Variants in RIMS2 observed in about 807,000 individuals in gnomAD.
RIMS2 encodes regulating synaptic membrane exocytosis protein 2.
In RIMS2, 59 loss-of-function variants were observed where a neutral mutation model predicts 174.4. The ratio of observed to expected loss-of-function variants is 0.34; its 90% CI spans 0.27 to 0.42. RIMS2 has a LOEUF of 0.42. RIMS2 is among the 10% of genes least tolerant of loss of function. The probability of loss-of-function intolerance (pLI) is 1.00; values close to 1 mark genes in which losing one functional copy is unlikely to be tolerated. For synonymous variants in RIMS2, 606 were observed against 572.5 expected (o/e 1.06, Z -0.84); for missense variants, 1,620 against 1,666.3 (o/e 0.97, Z 0.48).
Position 103,921,402 on chromosome 8 carries a change from A to G in RIMS2, c.2084-270A>G, listed in dbSNP as rs2077626664. On this transcript the variant is annotated intron_variant, in intron 9 of 23. Transcript: ENST00000504942. ...TATGAATATAGTACACTTAACAGAT[A>G]ATAACTAAGTCCTGAGGTAGAGGTC... Among the ~76,000 whole-genome samples, 4 of 152,162 alleles carry G rather than the reference A, an allele frequency of 2.6e-5. No homozygotes were observed. The East Asian group carries it at 7.7e-4, about 29-fold the overall frequency.
At chr8:103,794,938 G>A (rs942529777) in intron 3 of RIMS2, among the ~76,000 whole-genome samples, 3 of 152,152 alleles carry the variant, frequency 2.0e-5, no homozygotes, top group Non-Finnish European at 4.4e-5. Context: ...GGAAACAACG[G>A]GTGATGGAGA....
At chr8:103,797,686 A>G (rs979696933) in intron 3 of RIMS2, among the ~76,000 whole-genome samples, 2 of 152,182 alleles carry the variant, frequency 1.3e-5, no homozygotes, top group Non-Finnish European at 2.9e-5. Context: ...GAAACTGGCA[A>G]TGGTGATGGA....
intron 1 of RIMS2, among the ~76,000 whole-genome samples, chr8:103,688,477 A>G (rs943422548): frequency 6.6e-6 from 1 of 152,012 alleles, no homozygotes; most frequent in African/African-American, 2.4e-5. Flanking sequence ...TGATCCTTTT[A>G]TATGTGCAGT....
chr8:104,185,828 T>G (rs2098965094), intron 19 of RIMS2, among the ~76,000 whole-genome samples: 1 of 151,670 alleles, frequency 6.6e-6, no homozygotes, highest in Non-Finnish European at 1.5e-5. Context: ...TGAAGATTTC[T>G]GAAATAACTA....
At chr8:103,738,145 C>T (rs977524778) in intron 2 of RIMS2, among the ~76,000 whole-genome samples, 1 of 151,904 alleles carries the variant, frequency 6.6e-6, no homozygotes, top group African/African-American at 2.4e-5. Flanking sequence ...TAGATATTTC[C>T]TGATATCACT....
At chr8:103,686,240 T>C (rs922487325) in intron 1 of RIMS2, among the ~76,000 whole-genome samples, 1 of 152,162 alleles carries the variant, frequency 6.6e-6, no homozygotes, top group African/African-American at 2.4e-5. Flanking sequence ...TCTAGTTTCT[T>C]TGAGATTTTA....
intron 1 of RIMS2, among the ~76,000 whole-genome samples, chr8:103,648,733 C>G (rs1178175367): frequency 6.6e-6 from 1 of 152,028 alleles, no homozygotes; most frequent in African/African-American, 2.4e-5. Flanking sequence ...GGTTTAAAGT[C>G]TGTTTTGTCA....
chr8:104,081,653 C>T (rs936379988), intron 19 of RIMS2, among the ~76,000 whole-genome samples: 1 of 143,408 alleles, frequency 7.0e-6, no homozygotes, highest in Non-Finnish European at 1.5e-5. Flanking sequence ...ACAAATTTGA[C>T]AATAAAAGTG....
intron 3 of RIMS2, among the ~76,000 whole-genome samples, chr8:103,840,326 G>A (rs547238980): frequency 1.3e-4 from 20 of 152,096 alleles, no homozygotes; most frequent in Non-Finnish European, 1.5e-4. Flanking sequence ...TTCTATACAG[G>A]TTTCTTATAT....
rs142430978 is a variant in RIMS2, at chr8:104,202,966, T to C, written c.3335-41950T>C. Among the ~76,000 whole-genome samples, 1,509 of 152,278 alleles carry C rather than the reference T, an allele frequency of 9.9e-3. 25 individuals are homozygous for C. Among genetic ancestry groups the C allele is most frequent in the African/African-American group, 0.034 (1,408 of 41,542 alleles). On this transcript the variant is annotated intron_variant, in intron 19 of 23. Transcript: ENST00000504942. ...CTCATGACCCTGGAAGTACAAGATG[T>C]TGGGAAGTATGTTTCCTAAATATTT...
At chr8:103,623,609 C>G (rs1296839743) in intron 1 of RIMS2, among the ~76,000 whole-genome samples, 3 of 150,686 alleles carry the variant, frequency 2.0e-5, no homozygotes, top group South Asian at 2.1e-4. Flanking sequence ...CTCAGCCTCC[C>G]GAGTAGCTGG....
At chr8:103,740,367 A>G (rs1013493109) in intron 2 of RIMS2, among the ~76,000 whole-genome samples, 10 of 152,216 alleles carry the variant, frequency 6.6e-5, no homozygotes, top group African/African-American at 2.4e-4. Flanking sequence ...CTTGGCAGTC[A>G]GATGGTAGAG....
intron 1 of RIMS2, among the ~76,000 whole-genome samples, chr8:103,560,914 C>G (rs188894611): frequency 6.6e-6 from 1 of 152,270 alleles, no homozygotes; most frequent in African/African-American, 2.4e-5. Context: ...ACAACAACAA[C>G]AAATCCTAAA....
intron 19 of RIMS2, among the ~76,000 whole-genome samples, chr8:104,150,647 A>G (rs1201883302): frequency 2.0e-5 from 3 of 152,222 alleles, no homozygotes; most frequent in African/African-American, 2.4e-5. Flanking sequence ...GCATAGATCC[A>G]TGATATGTGC....
Position 103,632,419 on chromosome 8 carries a change from T to C in RIMS2, c.177-64667T>C, listed in dbSNP as rs565253279. On this transcript the variant is annotated intron_variant, in intron 1 of 23. Transcript: ENST00000504942. ...TCAGTTCAGCTTATGTGATGAATCATATTTATTGATTGCTTTTTTGAGGCG... is the reference window on the plus strand; with the variant it reads ...TCAGTTCAGCTTATGTGATGAATCACATTTATTGATTGCTTTTTTGAGGCG... Among the ~76,000 whole-genome samples the C allele has an allele frequency of 3.9e-5, 6 of 152,348 alleles. No individual in the cohort carries two copies. The South Asian group carries it at 1.2e-3, about 32-fold the overall frequency.
chr8:104,100,776 T>C (rs2097856131), intron 19 of RIMS2, among the ~76,000 whole-genome samples: 1 of 145,150 alleles, frequency 6.9e-6, no homozygotes, highest in African/African-American at 2.5e-5. Flanking sequence ...AAAAACATAC[T>C]AATCCCATTC....
At chr8:103,553,456 G>A (rs1266896920) in intron 1 of RIMS2, among the ~76,000 whole-genome samples, 1 of 151,896 alleles carries the variant, frequency 6.6e-6, no homozygotes, top group Non-Finnish European at 1.5e-5. Flanking sequence ...TGGGGTGGGG[G>A]AAGGAGGGGA....
At chr8:104,022,958 A>C (rs1565896600) in intron 19 of RIMS2, among the ~76,000 whole-genome samples, 1 of 152,202 alleles carries the variant, frequency 6.6e-6, no homozygotes, top group Non-Finnish European at 1.5e-5. Context: ...AACTTGGTTT[A>C]ACTTGGCTTA....
At chr8:103,646,124 G>A (rs11780323) in intron 1 of RIMS2, among the ~76,000 whole-genome samples, 27,687 of 151,996 alleles carry the variant, frequency 0.18, 2,782 homozygotes, top group African/African-American at 0.26. Flanking sequence ...ACAAGATAAT[G>A]TCATCAGTTA....
Sources: allele counts gnomAD v4.1 joint callset (sites outside exome capture counted in the v4.1 genomes callset), GRCh38; gene constraint gnomAD v4.1.1; transcripts MANE v1.5; gene names NCBI Gene and HGNC (gene_info 2026-07-23, HGNC 2026-07-21).